LDLRAD4: variants seen among roughly 807,000 people sequenced by gnomAD.
The protein encoded by LDLRAD4 is low density lipoprotein receptor class A domain containing 4, also known as low-density lipoprotein receptor class A domain-containing protein 4.
A neutral mutation model predicts 17.0 loss-of-function variants in LDLRAD4; 5 were observed. The observed-to-expected ratio is 0.29, with a 90% CI of 0.15 to 0.62. The LOEUF (loss-of-function observed/expected upper bound fraction) is 0.62, where lower values mean the gene tolerates loss of function less well. Among genes scored for constraint, LDLRAD4 ranks in the 20% least tolerant of loss-of-function variants. The pLI is 0.84. For missense variants in LDLRAD4, 340 were observed against 424.7 expected (o/e 0.80, Z 1.75); for synonymous variants, 168 against 171.8 (o/e 0.98, Z 0.17).
At chr18:13,431,960 G>A (rs928766535) in intron 2 of LDLRAD4, among the ~76,000 whole-genome samples, 1 of 152,234 alleles carries the variant, frequency 6.6e-6, no homozygotes, top group African/African-American at 2.4e-5. Context: ...CGTCACCAGT[G>A]AGGCCGGTGC....
At chr18:13,472,146 C>T (rs1379612615) in intron 3 of LDLRAD4, 1 of 152,252 alleles carries the variant, frequency 6.6e-6, no homozygotes, top group Admixed American at 6.5e-5. Context: ...GAAGGCCTCG[C>T]ATTGTGCCAT....
chr18:13,565,925 G>C (rs949077010), intron 3 of LDLRAD4, among the ~76,000 whole-genome samples: 1 of 152,236 alleles, frequency 6.6e-6, no homozygotes, highest in African/African-American at 2.4e-5. Context: ...CTGTGACGAT[G>C]ATGTCCCATG....
intron 3 of LDLRAD4, among the ~76,000 whole-genome samples, chr18:13,482,252 G>A (rs935980506): frequency 2.6e-5 from 4 of 152,148 alleles, no homozygotes; most frequent in Admixed American, 6.5e-5. Flanking sequence ...CTCTGAACCC[G>A]CTGCCCACCT....
chr18:13,471,485 T>G (rs2092772800), intron 3 of LDLRAD4: 1 of 152,320 alleles, frequency 6.6e-6, no homozygotes, highest in African/African-American at 2.4e-5. Flanking sequence ...GTTCTCCAAC[T>G]CTTGTACATC....
intron 1 of LDLRAD4, among the ~76,000 whole-genome samples, chr18:13,293,388 G>T (rs2046080130): frequency 6.6e-6 from 1 of 152,130 alleles, no homozygotes; most frequent in Admixed American, 6.6e-5. Flanking sequence ...TTATTTTATG[G>T]CTTCTGTTTC....
At chr18:13,292,030 A>C (rs967443859) in intron 1 of LDLRAD4, among the ~76,000 whole-genome samples, 8 of 152,184 alleles carry the variant, frequency 5.3e-5, no homozygotes, top group Non-Finnish European at 1.2e-4. Flanking sequence ...TTTTTAGTGT[A>C]GTCTGTCCAC....
At chr18:13,499,824 C>T (rs919689043) in intron 3 of LDLRAD4, among the ~76,000 whole-genome samples, 3 of 152,020 alleles carry the variant, frequency 2.0e-5, no homozygotes, top group Admixed American at 6.5e-5. Context: ...AATCCTTCTG[C>T]CCACACACGT....
chr18:13,240,022 C>T (rs1281910529), intron 1 of LDLRAD4: 1 of 152,238 alleles, frequency 6.6e-6, no homozygotes, highest in Non-Finnish European at 1.5e-5. Flanking sequence ...CCTGTTTGGC[C>T]AAGGAAGGGA....
intron 3 of LDLRAD4, among the ~76,000 whole-genome samples, chr18:13,460,289 C>T (rs566664611): frequency 6.6e-6 from 1 of 152,208 alleles, no homozygotes; most frequent in Admixed American, 6.5e-5. Context: ...AACTTCTGGG[C>T]TCAAGGGATC....
At chr18:13,326,854 C>T (rs142617641) in intron 1 of LDLRAD4, among the ~76,000 whole-genome samples, 5 of 152,156 alleles carry the variant, frequency 3.3e-5, no homozygotes, top group Admixed American at 1.3e-4. Context: ...CTGCAAGCTC[C>T]GCCTCCCAAG....
chr18:13,507,365 A>G (rs1365576099), intron 3 of LDLRAD4, among the ~76,000 whole-genome samples: 3 of 152,096 alleles, frequency 2.0e-5, no homozygotes, highest in African/African-American at 4.8e-5. Flanking sequence ...TATCATTCTT[A>G]TGCCTTTGCA....
At chr18:13,533,850 A>G (rs141502452) in intron 3 of LDLRAD4, among the ~76,000 whole-genome samples, 3 of 152,202 alleles carry the variant, frequency 2.0e-5, no homozygotes, top group Admixed American at 6.5e-5. Context: ...ACTGAACAGT[A>G]AAGGACCGGG....
At chr18:13,589,585 G>A (rs1039157950) in intron 3 of LDLRAD4, among the ~76,000 whole-genome samples, 18 of 152,182 alleles carry the variant, frequency 1.2e-4, no homozygotes, top group African/African-American at 4.1e-4. Context: ...CCCTGGATGA[G>A]ACCTGCAGCC....
At chr18:13,424,980 C>A (rs1307666989) in intron 2 of LDLRAD4, among the ~76,000 whole-genome samples, 1 of 152,150 alleles carries the variant, frequency 6.6e-6, no homozygotes, top group African/African-American at 2.4e-5. Flanking sequence ...CATTTATCAT[C>A]CAGAGATAAC....
At chr18:13,239,084 G>A (rs1247240014) in intron 1 of LDLRAD4, among the ~76,000 whole-genome samples, 2 of 151,776 alleles carry the variant, frequency 1.3e-5, no homozygotes, top group Non-Finnish European at 2.9e-5. Flanking sequence ...CTACTCAGGG[G>A]GCTGAGGCAG....
Position 13,269,245 on chromosome 18 carries a change from T to C in LDLRAD4, c.-466-8860T>C, listed in dbSNP as rs150710389. 5.3e-5 allele frequency among the ~76,000 whole-genome samples: 8 copies of C among 152,328 alleles called. No individual in the cohort carries two copies. In the East Asian group the frequency reaches 1.5e-3, roughly 29 times the overall value. On this transcript the variant is annotated intron_variant, in intron 1 of 5. Coordinates refer to the LDLRAD4 transcript ENST00000399848. Reference sequence around the variant, plus strand: ...AGCAGCATGTCCAAACTTTAACTAGTTAATAGTGGCTCCCAAGCTGAGCAA... The same window carrying C: ...AGCAGCATGTCCAAACTTTAACTAGCTAATAGTGGCTCCCAAGCTGAGCAA...
In LDLRAD4 at chr18:13,400,325, G is replaced by C. The variant is rs145324192; in HGVS notation, c.40+12563G>C. ...TTTCTGCATATAAAAAAGTGCCACGGGGTCTTTGATCCACCTCCTTGTGTC... is the reference window on the plus strand; with the variant it reads ...TTTCTGCATATAAAAAAGTGCCACGCGGTCTTTGATCCACCTCCTTGTGTC... On this transcript the variant is annotated intron_variant, in intron 2 of 5. Coordinates refer to ENST00000359446, the Ensembl canonical transcript of LDLRAD4. Among the ~76,000 whole-genome samples, 584 of 152,292 alleles carry C rather than the reference G, an allele frequency of 3.8e-3. 1 individual carries two copies. Among genetic ancestry groups the C allele is most frequent in the Middle Eastern group, 0.01 (3 of 294 alleles).
At chr18:13,438,311 C>T (rs1277729815) in exon 3 of LDLRAD4, 4 of 1,613,330 alleles carry the variant, frequency 2.5e-6, no homozygotes, top group East Asian at 2.2e-5. Context: ...ACCAACAGAA[C>T]GACTGTGGGG....
chr18:13,416,907 A>T (rs1331590413), intron 2 of LDLRAD4, among the ~76,000 whole-genome samples: 1 of 152,216 alleles, frequency 6.6e-6, no homozygotes, highest in East Asian at 1.9e-4. Flanking sequence ...TATTTATATT[A>T]TTTCAATTAA....
Sources: allele counts gnomAD v4.1 joint callset (sites outside exome capture counted in the v4.1 genomes callset), GRCh38; gene constraint gnomAD v4.1.1; transcripts MANE v1.5; gene names NCBI Gene and HGNC (gene_info 2026-07-23, HGNC 2026-07-21).